Variants in ITGAE observed in about 807,000 individuals in gnomAD.
ITGAE encodes the protein integrin subunit alpha E.
ITGAE carries 99 observed loss-of-function variants against 136.5 expected under a neutral mutation model. The ratio of observed to expected loss-of-function variants is 0.73; its 90% CI spans 0.62 to 0.86. The LOEUF is 0.86. ITGAE is among the 40% of genes least tolerant of loss of function. The pLI, the probability that ITGAE is intolerant of heterozygous loss-of-function variation, is 0.00. For missense variants in ITGAE, 1,447 were observed against 1,515.3 expected, an observed-to-expected ratio of 0.95 and a Z score of 0.75; for synonymous variants, 613 against 591.8, an observed-to-expected ratio of 1.04 and a Z score of -0.52.
intron 15 of ITGAE, 91 bp downstream of exon 15, chr17:3,751,559 T>C: frequency 8.3e-7 from 1 of 1,211,414 alleles, no homozygotes; most frequent in Non-Finnish European, 1.2e-6. Context: ...TGCCCAGCAC[T>C]TAGGACTGAA....
chr17:3,765,358 A>AT (rs1026424765), intron 2 of ITGAE, among the ~76,000 whole-genome samples: 4 of 151,350 alleles, frequency 2.6e-5, no homozygotes, highest in Admixed American at 6.6e-5. Flanking sequence ...CAAAAAAAAA[A>AT]AAAAAAAAAA....
chr17:3,731,009 C>T (rs1165334101), intron 23 of ITGAE, 95 bp downstream of exon 23: 2 of 969,432 alleles, frequency 2.1e-6, no homozygotes, highest in South Asian at 1.4e-5. Flanking sequence ...TCTCCCTGGG[C>T]TGTAAGGGGG....
chr17:3,736,001 G>C (rs573803820), intron 20 of ITGAE, among the ~76,000 whole-genome samples: 25 of 152,240 alleles, frequency 1.6e-4, no homozygotes, highest in African/African-American at 6.0e-4. Flanking sequence ...AAAAGTAGCC[G>C]GGTGTGGTGG....
intron 1 of ITGAE, among the ~76,000 whole-genome samples, chr17:3,797,610 A>T (rs1290498714): frequency 6.6e-6 from 1 of 151,186 alleles, no homozygotes; most frequent in African/African-American, 2.4e-5. Flanking sequence ...ACAGGTGCGC[A>T]CCACCATGCC....
At chr17:3,755,386 T>C in intron 11 of ITGAE, 125 bp from the exon 12 acceptor site, 1 of 1,146,504 alleles carries the variant, frequency 8.7e-7, no homozygotes, top group Non-Finnish European at 1.2e-6. Context: ...GGTGGTCTAG[T>C]GCCCGCCTGG....
intron 26 of ITGAE, 125 bp from the exon 27 acceptor site, chr17:3,723,869 C>T (rs535508069): frequency 9.9e-6 from 15 of 1,514,300 alleles, no homozygotes; most frequent in Non-Finnish European, 1.3e-5. Context: ...CCGCGGCAGG[C>T]GGGCGCGTCC....
intron 12 of ITGAE, 126 bp from the exon 13 acceptor site, chr17:3,754,051 G>C (rs2051941179): frequency 9.5e-7 from 1 of 1,052,204 alleles, no homozygotes; most frequent in Admixed American, 2.6e-5. Flanking sequence ...AGGAGAGACT[G>C]TCTTTCTCAC....
chr17:3,744,519 T>C (rs776054387), intron 18 of ITGAE, among the ~76,000 whole-genome samples: 5 of 150,824 alleles, frequency 3.3e-5, no homozygotes, highest in Non-Finnish European at 7.4e-5. Flanking sequence ...CGATCTTGGC[T>C]CTCTGCAACC....
At chr17:3,716,276 G>A (rs1227973186) in intron 30 of ITGAE, among the ~76,000 whole-genome samples, 2 of 151,980 alleles carry the variant, frequency 1.3e-5, no homozygotes, top group African/African-American at 4.8e-5. Context: ...TTAAGACAGG[G>A]GAAGGCAAGG....
At chr17:3,759,318 G>T in intron 8 of ITGAE, 84 bp downstream of exon 8, 2 of 1,508,192 alleles carry the variant, frequency 1.3e-6, no homozygotes, top group Non-Finnish European at 1.8e-6. Context: ...TTCTCCTGCG[G>T]TTCTGGCCAG....
chr17:3,785,261 G>A (rs1223909885), intron 1 of ITGAE, among the ~76,000 whole-genome samples: 8 of 152,156 alleles, frequency 5.3e-5, no homozygotes, highest in Admixed American at 5.2e-4. Flanking sequence ...TTGAGGTCAG[G>A]AGTTCAAAAC....
At chr17:3,790,511 AACACAC>A (rs144084191) in intron 1 of ITGAE, among the ~76,000 whole-genome samples, 1 of 60,370 alleles carries the variant, frequency 1.7e-5, no homozygotes, top group South Asian at 4.1e-4. Context: ...GTCTCAAACA[AACACAC>A]ACACACACAC....
intron 2 of ITGAE, among the ~76,000 whole-genome samples, chr17:3,768,562 ACTGTTCCCTCCACCGCG>A (rs905714910): frequency 1.3e-5 from 2 of 151,942 alleles, no homozygotes; most frequent in Non-Finnish European, 2.9e-5. Flanking sequence ...CCTCCACGGC[ACTGTTCCCTCCACCGCG>A]CTGTTTCCTA....
At chr17:3,769,445 T>C (rs907925145) in intron 2 of ITGAE, among the ~76,000 whole-genome samples, 2 of 149,544 alleles carry the variant, frequency 1.3e-5, no homozygotes, top group African/African-American at 2.4e-5. Context: ...GCCGCCATCA[T>C]GCAATGACAT....
intron 28 of ITGAE, 117 bp from the exon 29 acceptor site, chr17:3,720,519 C>T (rs2051028052): frequency 1.6e-6 from 1 of 618,926 alleles, no homozygotes. Flanking sequence ...TAGTTAATGG[C>T]CCTAACGTAC....
intron 26 of ITGAE, chr17:3,724,676 C>T (rs750785196): frequency 1.2e-6 from 2 of 1,614,178 alleles, no homozygotes; most frequent in South Asian, 2.2e-5. Flanking sequence ...TTCTCTTTGG[C>T]CTTATGAACT....
At chr17:3,777,118 G>A (rs1052465742) in intron 2 of ITGAE, among the ~76,000 whole-genome samples, 5 of 151,994 alleles carry the variant, frequency 3.3e-5, no homozygotes, top group Admixed American at 6.6e-5. Flanking sequence ...CCGCCTCCTC[G>A]CCTGGCTAAT....
intron 2 of ITGAE, among the ~76,000 whole-genome samples, chr17:3,765,700 G>A (rs193210105): frequency 2.6e-5 from 4 of 152,176 alleles, no homozygotes; most frequent in Admixed American, 2.0e-4. Flanking sequence ...CCCCAAACAT[G>A]AGTAACCATC....
At chr17:3,742,701 A>G (rs1158796314) in intron 19 of ITGAE, among the ~76,000 whole-genome samples, 1 of 151,906 alleles carries the variant, frequency 6.6e-6, no homozygotes, top group Non-Finnish European at 1.5e-5. Context: ...CTGGAGTGCA[A>G]TGGCACGGCC....
Sources: gnomAD v4.1 joint callset for allele counts (sites outside exome capture counted in the v4.1 genomes callset) on GRCh38, gnomAD v4.1.1 for gene constraint, MANE v1.5 for transcripts, NCBI Gene and HGNC (gene_info 2026-07-23, HGNC 2026-07-21) for gene names.